Variants in TRPM7 observed in about 807,000 individuals in gnomAD.
TRPM7 encodes LTRPC ion channel family member 7.
In TRPM7, 134 loss-of-function variants were observed where a neutral mutation model predicts 229.7. The observed-to-expected ratio is 0.58, with a 90% confidence interval of 0.51 to 0.67. The LOEUF (loss-of-function observed/expected upper bound fraction) is 0.67, where lower values mean the gene tolerates loss of function less well. Among genes scored for constraint, TRPM7 ranks in the 30% least tolerant of loss-of-function variants. TRPM7 has a pLI of 0.00. For missense variants in TRPM7, 1,901 were observed against 2,210.0 expected (o/e 0.86, Z 2.80); for synonymous variants, 699 against 715.2 (o/e 0.98, Z 0.36).
chr15:50,678,236 T>C (rs2062141458), intron 1 of TRPM7, among the ~76,000 whole-genome samples: 2 of 101,866 alleles, frequency 2.0e-5, no homozygotes, highest in African/African-American at 3.6e-5. Flanking sequence ...TGAGACTCTC[T>C]CTCAAAAAAA....
At chr15:50,591,067 T>G (rs2059477915) in intron 26 of TRPM7, among the ~76,000 whole-genome samples, 1 of 152,074 alleles carries the variant, frequency 6.6e-6, no homozygotes, top group Non-Finnish European at 1.5e-5. Context: ...CATTTTTTTT[T>G]GTTCTTATCT....
intron 15 of TRPM7, among the ~76,000 whole-genome samples, chr15:50,613,501 C>CAAAAAAA (rs67505794): frequency 3.2e-5 from 2 of 62,818 alleles, no homozygotes; most frequent in Non-Finnish European, 5.7e-5. Context: ...ACTCCTGTCT[C>CAAAAAAA]AAAAAAAAAA....
chr15:50,595,928 AATGAT>A (rs759781268), intron 23 of TRPM7, among the ~76,000 whole-genome samples: 2 of 150,910 alleles, frequency 1.3e-5, no homozygotes, highest in Non-Finnish European at 2.9e-5. Flanking sequence ...TTGCAAAAAA[AATGAT>A]AGAAAGGTGT....
At chr15:50,680,058 ACCC>A (rs2062208719) in intron 1 of TRPM7, among the ~76,000 whole-genome samples, 1 of 151,694 alleles carries the variant, frequency 6.6e-6, no homozygotes, top group African/African-American at 2.4e-5. Flanking sequence ...ACATGGTGAA[ACCC>A]TGTCTCTGCT....
Position 50,637,736 on chromosome 15 carries a change from T to C in TRPM7, c.661-143A>G, listed in dbSNP as rs1269404088. On this transcript the variant is annotated intron_variant, in intron 6 of 38. Transcript: ENST00000646667. ...AATAAATACCAAATGACAAAGAATG[T>C]TTCAAAAAGCGTAAGCTTTTAAGCA... 3.8e-6 allele frequency: 3 copies of C among 786,196 alleles called. No individual in the cohort carries two copies. The African/African-American group carries it at 5.2e-5, about 14-fold the overall frequency. The allele number at this position is 786,196 out of a possible 1,614,324, so 48.7% of individuals were successfully genotyped here. A position where few individuals can be genotyped will look rare whatever the true frequency, so the allele number is the denominator to read the frequency against.
At chr15:50,673,629 C>A (rs2062036413) in intron 1 of TRPM7, among the ~76,000 whole-genome samples, 1 of 149,446 alleles carries the variant, frequency 6.7e-6, no homozygotes, top group African/African-American at 2.6e-5. Context: ...GAGAAGTATT[C>A]CCTCGTATAT....
intron 4 of TRPM7, among the ~76,000 whole-genome samples, chr15:50,647,397 C>T (rs558601343): frequency 6.6e-6 from 1 of 152,158 alleles, no homozygotes; most frequent in East Asian, 1.9e-4. Flanking sequence ...TCCCAAAGTG[C>T]TGGGATTACA....
At chr15:50,618,010 T>C (rs1053942483) in intron 13 of TRPM7, among the ~76,000 whole-genome samples, 5 of 152,064 alleles carry the variant, frequency 3.3e-5, no homozygotes, top group African/African-American at 1.2e-4. Flanking sequence ...AAAGCTGAAA[T>C]AAATAAATAA....
At chr15:50,610,824 TA>T (rs1229904525) in intron 17 of TRPM7, among the ~76,000 whole-genome samples, 4 of 152,108 alleles carry the variant, frequency 2.6e-5, no homozygotes, top group Admixed American at 2.6e-4. Context: ...CTAGGGGCCA[TA>T]ATCTCCAATA....
At chr15:50,599,363 CT>C in intron 21 of TRPM7, 67 bp from the exon 22 acceptor site, 1 of 1,247,726 alleles carries the variant, frequency 8.0e-7, no homozygotes, top group South Asian at 1.8e-5. Flanking sequence ...TTTCTAAAAG[CT>C]TCTAATGTTC....
intron 4 of TRPM7, among the ~76,000 whole-genome samples, chr15:50,648,339 G>C (rs1222846723): frequency 6.6e-6 from 1 of 151,628 alleles, no homozygotes; most frequent in Admixed American, 6.6e-5. Context: ...TAACATAATG[G>C]TAAATTTAAA....
At position 50,590,821 on chromosome 15, in the gene TRPM7, CT is replaced by C. The variant is rs1287353462; in HGVS notation, c.4324+1089del. Among the ~76,000 whole-genome samples the C allele has an allele frequency of 1.8e-4, 20 of 108,850 alleles. 1 individual carries two copies. The highest frequency in any genetic ancestry group is 1.6e-3 in the Admixed American group (15 of 9,122). The allele number at this position is 108,850 out of a possible 152,430, so 71.4% of individuals were successfully genotyped here. A position where few individuals can be genotyped will look rare whatever the true frequency, so the allele number is the denominator to read the frequency against. On this transcript the variant is annotated intron_variant, in intron 26 of 38. Coordinates refer to ENST00000646667, the MANE Select transcript of TRPM7 (RefSeq NM_017672.6). ...CCTGGGCGACAGAGGGAGACTCCGT[CT>C]TTTAAAAAAAAAAAAAAAAGGGGGA...
At chr15:50,572,712 A>G (rs1463219539) in intron 36 of TRPM7, among the ~76,000 whole-genome samples, 3 of 152,198 alleles carry the variant, frequency 2.0e-5, no homozygotes, top group African/African-American at 7.2e-5. Flanking sequence ...ACACCACCAT[A>G]ATCATTTTTA....
At chr15:50,619,277 G>A (rs1454393010) in intron 13 of TRPM7, among the ~76,000 whole-genome samples, 1 of 149,774 alleles carries the variant, frequency 6.7e-6, no homozygotes, top group African/African-American at 2.5e-5. Context: ...CTGGAATGCA[G>A]TGGCAAGATC....
chr15:50,562,220 T>A (rs1418336332), intron 38 of TRPM7, among the ~76,000 whole-genome samples: 1 of 152,126 alleles, frequency 6.6e-6, no homozygotes, highest in Non-Finnish European at 1.5e-5. Context: ...TCTAATCAAT[T>A]TTTCTCCAAA....
intron 2 of TRPM7, 24 bp from the exon 3 acceptor site, chr15:50,657,843 A>T: frequency 6.3e-7 from 1 of 1,598,874 alleles, no homozygotes; most frequent in Non-Finnish European, 8.5e-7. Flanking sequence ...AAAGGTAAAT[A>T]AATTATTTCA....
chr15:50,638,712 G>C (rs1441678952), intron 6 of TRPM7, among the ~76,000 whole-genome samples: 1 of 152,036 alleles, frequency 6.6e-6, no homozygotes, highest in Admixed American at 6.5e-5. Context: ...ATGAGATGGA[G>C]TTTTGCTTTG....
At position 50,583,124 on chromosome 15, in the gene TRPM7, T is replaced by C. The variant is rs764348278; in HGVS notation, c.4522A>G (p.Thr1508Ala). 6.2e-7 allele frequency: 1 copy of C among 1,608,166 alleles called. No homozygotes were observed. Residue 1508 changes from threonine to alanine, a missense_variant, in exon 29 of 39, where the codon ACT (threonine) becomes GCT (alanine). By Grantham distance (58) the Thr-to-Ala change is moderately conservative. Coordinates refer to ENST00000646667, the MANE Select transcript of TRPM7 (RefSeq NM_017672.6). ...KISRRPSTED[T>A]HEVDSKAALI... is the part of the protein sequence containing the mutation. The stretch of plus-strand genomic sequence containing the variant: ...GCTGCTTTGGAATCTACTTCATGAG[T>C]GTCTTCGGTAGATGGCCTTCTACTG...
Position 50,628,133 on chromosome 15 carries a change from T to C in TRPM7, c.1305+16A>G, listed in dbSNP as rs779253493. On this transcript the variant is annotated intron_variant, in intron 11 of 38. Coordinates refer to ENST00000646667, the MANE Select transcript of TRPM7 (RefSeq NM_017672.6). ...GTGTAATTTAATTGTATTGTGTATG[T>C]AGATTATTTACATACCAGCCACTGC... 29 of 1,546,978 alleles carry C rather than the reference T, an allele frequency of 1.9e-5. No homozygotes were observed. Among genetic ancestry groups the C allele is most frequent in the African/African-American group, 2.7e-5 (2 of 73,476 alleles).
Sources: allele counts gnomAD v4.1 joint callset (sites outside exome capture counted in the v4.1 genomes callset), GRCh38; gene constraint gnomAD v4.1.1; transcripts MANE v1.5; gene names NCBI Gene and HGNC (gene_info 2026-07-23, HGNC 2026-07-21).